Variants in DOP1B observed in about 807,000 individuals in gnomAD.
The protein encoded by DOP1B is DOP1 leucine zipper like protein B, also known as protein DOP1B.
In DOP1B, 174 loss-of-function variants were observed where a neutral mutation model predicts 233.5. That is an observed-to-expected ratio of 0.75 (90% confidence interval 0.66 to 0.85). DOP1B has a LOEUF of 0.85. DOP1B is among the 40% of genes least tolerant of loss of function. DOP1B has a pLI of 0.00. For synonymous variants in DOP1B, 1,190 were observed against 1,185.6 expected, an observed-to-expected ratio of 1.00 and a Z score of -0.08; for missense variants, 2,652 against 2,846.6, an observed-to-expected ratio of 0.93 and a Z score of 1.56.
chr21:36,177,247 T>A (rs1045987435), intron 2 of DOP1B, among the ~76,000 whole-genome samples: 2 of 152,160 alleles, frequency 1.3e-5, no homozygotes, highest in Non-Finnish European at 2.9e-5. Context: ...GCTGAGGGTG[T>A]TCAAGAGCAC....
intron 2 of DOP1B, among the ~76,000 whole-genome samples, chr21:36,177,719 G>A (rs761070775): frequency 1.3e-5 from 2 of 152,198 alleles, no homozygotes; most frequent in Non-Finnish European, 2.9e-5. Context: ...GCATTAGCAT[G>A]CTCGGCCTCC....
At chr21:36,169,912 G>A (rs1421574467) in intron 2 of DOP1B, 9 of 773,474 alleles carry the variant, frequency 1.2e-5, no homozygotes, top group African/African-American at 1.7e-5. Flanking sequence ...CACGTAGCCC[G>A]CAATGCCCAC....
At chr21:36,200,192 T>G in intron 3 of DOP1B, 139 bp from the exon 4 acceptor site, 1 of 1,126,872 alleles carries the variant, frequency 8.9e-7, no homozygotes, top group Non-Finnish European at 1.2e-6. Context: ...GACCATCTCA[T>G]GTCATACCCA....
chr21:36,164,024 T>G, intron 1 of DOP1B, among the ~76,000 whole-genome samples: 1 of 152,202 alleles, frequency 6.6e-6, no homozygotes, highest in East Asian at 1.9e-4. Context: ...TCTACTGACA[T>G]CTCATTGTCA....
At position 36,212,185 on chromosome 21, in the gene DOP1B, T is replaced by C. The variant is rs1426213441; in HGVS notation, c.904+88T>C. 3 of 1,412,702 alleles carry C rather than the reference T, an allele frequency of 2.1e-6. No homozygotes were observed. The Admixed American group carries it at 7.8e-5, about 37-fold the overall frequency. The allele number at this position is 1,412,702 out of a possible 1,614,324, so 87.5% of individuals were successfully genotyped here. On this transcript the variant is annotated intron_variant, in intron 7 of 36. Transcript: ENST00000691173. Reference sequence around the variant, plus strand: ...CTGGAATAAGATTTGGTCTTGGTGATGTATCTCTGAATCATGAAGTATGGA... The same window carrying C: ...CTGGAATAAGATTTGGTCTTGGTGACGTATCTCTGAATCATGAAGTATGGA...
At chr21:36,277,226 T>A (rs1319101708) in intron 28 of DOP1B, 126 bp downstream of exon 28, 3 of 880,376 alleles carry the variant, frequency 3.4e-6, no homozygotes, top group Non-Finnish European at 5.2e-6. Flanking sequence ...AGCTCGTCCA[T>A]CAGGCAGCAT....
intron 1 of DOP1B, 29 bp from the exon 2 acceptor site, chr21:36,164,679 C>G: frequency 6.7e-7 from 1 of 1,501,848 alleles, no homozygotes. Flanking sequence ...ATGGCTCTCT[C>G]ATTTGGTTAT....
chr21:36,200,430 C>G lies in DOP1B; in HGVS notation c.420C>G (p.Leu140=). Residue 140 remains leucine, a synonymous_variant, in exon 4 of 37, where the codon CTC becomes CTG. Coordinates refer to ENST00000691173, the MANE Select transcript of DOP1B (RefSeq NM_001320714.2). ...ACTTCCTCCCACTGCAGAAGCTGCT[C>G]CTGCCCAGTCTGCAGGCCTTCATCG... The part of the protein sequence containing the change: ...EKYFLPLQKL[L]LPSLQAFIVG... 6.2e-7 allele frequency: 1 copy of G among 1,613,520 alleles called. No individual in the cohort carries two copies. The highest frequency in any genetic ancestry group is 8.5e-7 in the Non-Finnish European group (1 of 1,180,024).
At position 36,245,759 on chromosome 21, in the gene DOP1B, A is replaced by G. The variant is rs948324336; in HGVS notation, c.3779A>G (p.Glu1260Gly). 6.2e-7 allele frequency: 1 copy of G among 1,613,852 alleles called. No homozygotes were observed. Among genetic ancestry groups the G allele is most frequent in the Admixed American group, 1.7e-5 (1 of 59,984 alleles). The change falls in exon 19 of 37, where the codon GAG (glutamate) becomes GGG (glycine). Residue 1260 changes from glutamate to glycine, a missense_variant. Transcript: ENST00000691173. The surrounding 1 kb of genome is among the most constrained non-coding windows in gnomAD (Gnocchi z 5.5). ...VLKTNPKEFI[E>G]AVSRTSMDTS... ...AAAACCAACCCTAAGGAATTCATCGAGGCTGTGTCCAGGACTAGCATGGAT... is the reference window on the plus strand; with the variant it reads ...AAAACCAACCCTAAGGAATTCATCGGGGCTGTGTCCAGGACTAGCATGGAT...
At chr21:36,184,625 A>T (rs537082822) in intron 2 of DOP1B, among the ~76,000 whole-genome samples, 3 of 152,346 alleles carry the variant, frequency 2.0e-5, no homozygotes, top group Admixed American at 2.0e-4. Context: ...CGCAGACTGG[A>T]TTCAGAACAG....
At chr21:36,269,356 T>C (rs751525524) in intron 26 of DOP1B, among the ~76,000 whole-genome samples, 17 of 151,734 alleles carry the variant, frequency 1.1e-4, no homozygotes, top group Non-Finnish European at 2.2e-4. Context: ...GGTTTCACCA[T>C]GTTGGTCAGG....
rs776172840 is a variant in DOP1B, at chr21:36,237,429, C to T, written c.2775+15C>T. On this transcript the variant is annotated intron_variant, in intron 16 of 36. Transcript: ENST00000691173. The stretch of plus-strand genomic sequence containing the variant: ...ACCCTGACAAGGTGAGCCTTTCTGG[C>T]CGCCACCTCCATCCTGCAGCACCCC... The T allele has an allele frequency of 1.8e-4, 296 of 1,613,074 alleles. No homozygotes were observed. The highest frequency in any genetic ancestry group is 2.3e-4 in the Non-Finnish European group (273 of 1,179,936).
chr21:36,244,785 T>A (rs896934013), intron 18 of DOP1B, among the ~76,000 whole-genome samples: 8 of 152,154 alleles, frequency 5.3e-5, no homozygotes, highest in Admixed American at 2.6e-4. Context: ...TAAAAATTGC[T>A]CCCCTCCAAA....
chr21:36,257,752 A>T (rs150480396), intron 23 of DOP1B, among the ~76,000 whole-genome samples: 11,625 of 144,090 alleles, frequency 0.081, 598 homozygotes, highest in East Asian at 0.22. Context: ...AGGTAGGTAG[A>T]TGTAGGTAGG....
At chr21:36,272,372 G>A (rs562467821) in intron 27 of DOP1B, among the ~76,000 whole-genome samples, 16 of 152,152 alleles carry the variant, frequency 1.1e-4, no homozygotes, top group East Asian at 3.9e-4. Context: ...AAATCAGGCC[G>A]GGCACAGTGG....
chr21:36,220,260 G>A (rs2066610118), intron 10 of DOP1B, among the ~76,000 whole-genome samples: 1 of 152,146 alleles, frequency 6.6e-6, no homozygotes, highest in Non-Finnish European at 1.5e-5. Flanking sequence ...CTCCCAGAAT[G>A]AAAGCGGTTT....
chr21:36,244,942 G>T, intron 18 of DOP1B, 106 bp from the exon 19 acceptor site: 1 of 1,166,582 alleles, frequency 8.6e-7, no homozygotes. Context: ...GAGAATTTTA[G>T]GAATATTGAT....
At chr21:36,231,544 G>A (rs1181927796) in intron 14 of DOP1B, among the ~76,000 whole-genome samples, 1 of 152,152 alleles carries the variant, frequency 6.6e-6, no homozygotes, top group Admixed American at 6.6e-5. Flanking sequence ...TGGTAAGGGT[G>A]GGGCCTATGT....
At position 36,281,616 on chromosome 21, in the gene DOP1B, GAC is replaced by G; in HGVS notation, c.6160+7_6160+8del. The G allele has an allele frequency of 6.3e-7, 1 of 1,577,584 alleles. No individual in the cohort carries two copies. Among genetic ancestry groups the G allele is most frequent in the Non-Finnish European group, 8.7e-7 (1 of 1,153,384 alleles). On this transcript the variant is annotated splice_donor_region_variant and intron_variant, in intron 32 of 36. Coordinates refer to ENST00000691173, the MANE Select transcript of DOP1B (RefSeq NM_001320714.2). Reference sequence around the variant, plus strand: ...TTTACCTTCCACTGATACAAGGTAAGACAGCTGTCTTAGTCTGTTTTTTGCTG... The same window carrying G: ...TTTACCTTCCACTGATACAAGGTAAGAGCTGTCTTAGTCTGTTTTTTGCTG...
Sources: gnomAD v4.1 joint callset for allele counts (sites outside exome capture counted in the v4.1 genomes callset) on GRCh38, gnomAD v4.1.1 for gene constraint, Gnocchi (gnomAD v3.1) non-coding constraint, MANE v1.5 for transcripts, NCBI Gene and HGNC (gene_info 2026-07-23, HGNC 2026-07-21) for gene names.